KCNQ5: variants seen among roughly 807,000 people sequenced by gnomAD.
The protein encoded by KCNQ5 is potassium voltage-gated channel subfamily KQT member 5.
Under a neutral mutation model 98.2 loss-of-function variants are expected in KCNQ5, and 30 were observed. That is an observed-to-expected ratio of 0.31 (90% CI 0.23 to 0.41). KCNQ5 has a LOEUF of 0.41. Among genes scored for constraint, KCNQ5 ranks in the 10% least tolerant of loss-of-function variants. The probability of loss-of-function intolerance (pLI) is 1.00; values close to 1 mark genes in which losing one functional copy is unlikely to be tolerated. For missense variants in KCNQ5, 835 were observed against 1,182.5 expected (o/e 0.71, Z 4.31); for synonymous variants, 458 against 449.4 (o/e 1.02, Z -0.24).
intron 1 of KCNQ5, among the ~76,000 whole-genome samples, chr6:72,642,156 A>G (rs1295327307): frequency 1.3e-5 from 2 of 149,208 alleles, no homozygotes; most frequent in Non-Finnish European, 3.0e-5. Flanking sequence ...TGGCCCTACT[A>G]GATAAAGAGC....
intron 1 of KCNQ5, among the ~76,000 whole-genome samples, chr6:72,776,531 C>T (rs1329699121): frequency 6.6e-6 from 1 of 152,162 alleles, no homozygotes; most frequent in Non-Finnish European, 1.5e-5. Context: ...CACTCCATTA[C>T]ACTCTTTCAA....
intron 3 of KCNQ5, among the ~76,000 whole-genome samples, chr6:73,054,927 A>C (rs192115990): frequency 6.6e-6 from 1 of 152,374 alleles, no homozygotes; most frequent in Non-Finnish European, 1.5e-5. Context: ...GTATGATTCT[A>C]TGCCCAGAAA....
chr6:72,686,949 A>G (rs1767988153), intron 1 of KCNQ5, among the ~76,000 whole-genome samples: 2 of 152,212 alleles, frequency 1.3e-5, no homozygotes, highest in South Asian at 4.1e-4. Flanking sequence ...ATATGATTCT[A>G]TATGATTATC....
chr6:73,048,443 A>T (rs1452480537), intron 3 of KCNQ5, among the ~76,000 whole-genome samples: 1 of 152,198 alleles, frequency 6.6e-6, no homozygotes, highest in Non-Finnish European at 1.5e-5. Flanking sequence ...GGCAGAGGTC[A>T]CACCCTGAAG....
chr6:72,774,910 A>G (rs958969626), intron 1 of KCNQ5, among the ~76,000 whole-genome samples: 9 of 152,152 alleles, frequency 5.9e-5, no homozygotes, highest in Admixed American at 1.3e-4. Context: ...GGAAAACTGC[A>G]TTATCTACTT....
intron 1 of KCNQ5, among the ~76,000 whole-genome samples, chr6:72,623,428 A>G (rs377481745): frequency 4.5e-5 from 2 of 44,868 alleles, no homozygotes; most frequent in African/African-American, 1.1e-4. Flanking sequence ...GTGTGTGTGT[A>G]GTAAGCCTTC....
intron 1 of KCNQ5, among the ~76,000 whole-genome samples, chr6:72,782,569 G>A (rs1023573876): frequency 6.6e-6 from 1 of 152,250 alleles, no homozygotes; most frequent in African/African-American, 2.4e-5. Flanking sequence ...GACACAGAAC[G>A]CAGATCATAA....
At chr6:72,686,148 A>G (rs1767941196) in intron 1 of KCNQ5, among the ~76,000 whole-genome samples, 1 of 152,198 alleles carries the variant, frequency 6.6e-6, no homozygotes, top group Non-Finnish European at 1.5e-5. Flanking sequence ...TGGGGATTAG[A>G]GCTTCAACAT....
chr6:72,832,003 T>G (rs1165280417), intron 1 of KCNQ5, among the ~76,000 whole-genome samples: 3 of 152,112 alleles, frequency 2.0e-5, no homozygotes, highest in African/African-American at 7.2e-5. Context: ...TAGCATTTAA[T>G]GGAATCAGAA....
At chr6:72,958,967 TGAAGA>T (rs1204917672) in intron 1 of KCNQ5, among the ~76,000 whole-genome samples, 1 of 152,220 alleles carries the variant, frequency 6.6e-6, no homozygotes. Context: ...GCAGTAAACG[TGAAGA>T]GAAGAGGTGT....
intron 3 of KCNQ5, among the ~76,000 whole-genome samples, chr6:73,066,135 G>A (rs923494267): frequency 1.8e-4 from 27 of 152,154 alleles, no homozygotes; most frequent in African/African-American, 5.6e-4. Flanking sequence ...GACAGAGACT[G>A]TCTCAAAAAT....
intron 1 of KCNQ5, among the ~76,000 whole-genome samples, chr6:72,906,642 T>C (rs1427917402): frequency 6.6e-6 from 1 of 152,194 alleles, no homozygotes; most frequent in Non-Finnish European, 1.5e-5. Context: ...AAGGTCAGAA[T>C]CTTCACCTGC....
intron 1 of KCNQ5, among the ~76,000 whole-genome samples, chr6:72,654,356 C>T (rs1766035636): frequency 6.6e-6 from 1 of 151,980 alleles, no homozygotes; most frequent in South Asian, 2.1e-4. Flanking sequence ...AGAACTTTAA[C>T]ATTGTTCATT....
chr6:72,933,059 G>C (rs577958560), intron 1 of KCNQ5, among the ~76,000 whole-genome samples: 1 of 152,186 alleles, frequency 6.6e-6, no homozygotes, highest in African/African-American at 2.4e-5. Context: ...CAAATTCAAT[G>C]TCATTCTAGA....
intron 5 of KCNQ5, among the ~76,000 whole-genome samples, chr6:73,082,139 C>G (rs1773802407): frequency 6.6e-6 from 1 of 152,198 alleles, no homozygotes; most frequent in Non-Finnish European, 1.5e-5. Flanking sequence ...ACCAGGGATT[C>G]CTGAGGCCAG....
chr6:72,794,072 GTAT>G (rs1774199109), intron 1 of KCNQ5, among the ~76,000 whole-genome samples: 1 of 152,212 alleles, frequency 6.6e-6, no homozygotes, highest in Admixed American at 6.5e-5. Context: ...TCACAAAGAA[GTAT>G]TATCATAAAA....
chr6:72,897,204 A>G (rs1410182037), intron 1 of KCNQ5, among the ~76,000 whole-genome samples: 3 of 151,998 alleles, frequency 2.0e-5, no homozygotes, highest in Admixed American at 2.0e-4. Flanking sequence ...TTGGAATTAC[A>G]TGGCTTCTGT....
At position 72,702,649 on chromosome 6, in the gene KCNQ5, A is replaced by G. The variant is rs550327846; in HGVS notation, c.398+80062A>G. Among the ~76,000 whole-genome samples the G allele has an allele frequency of 5.9e-5, 9 of 152,276 alleles. No individual in the cohort carries two copies. In the East Asian group the frequency reaches 1.7e-3, roughly 29 times the overall value. On this transcript the variant is annotated intron_variant, in intron 1 of 13. Transcript: ENST00000370398. ...ATCAGATAAGTTGTGATGTTCTCCC[A>G]TGTCTTCAGCATGTGACCCATTCAC...
In KCNQ5 at chr6:72,654,414, A is replaced by G. The variant is rs1766038193; in HGVS notation, c.398+31827A>G. 3.3e-5 allele frequency among the ~76,000 whole-genome samples: 5 copies of G among 152,106 alleles called. No individual in the cohort carries two copies. The South Asian group carries it at 6.2e-4, about 19-fold the overall frequency. ...TGTGGGCCGATACTATGTGCTAGATACTGTGCATTGGTACAGTAACCAAGG... is the reference window on the plus strand; with the variant it reads ...TGTGGGCCGATACTATGTGCTAGATGCTGTGCATTGGTACAGTAACCAAGG... On this transcript the variant is annotated intron_variant, in intron 1 of 13. Transcript: ENST00000370398.
Sources: allele counts gnomAD v4.1 joint callset (sites outside exome capture counted in the v4.1 genomes callset), GRCh38; gene constraint gnomAD v4.1.1; transcripts MANE v1.5; gene names NCBI Gene and HGNC (gene_info 2026-07-23, HGNC 2026-07-21).